The following RHOU variants were observed in gnomAD, a reference collection of about 807,000 sequenced individuals.
RHOU encodes rho-related GTP-binding protein RhoU.
A neutral mutation model predicts 12.6 loss-of-function variants in RHOU; 8 were observed. That is an observed-to-expected ratio of 0.64 (90% CI 0.37 to 1.15). The LOEUF (loss-of-function observed/expected upper bound fraction) is 1.15. Ranked by LOEUF, RHOU falls within the 50% of genes most tolerant of loss-of-function variation. RHOU has a pLI of 0.01. For synonymous variants in RHOU, 161 were observed against 147.4 expected, an observed-to-expected ratio of 1.09 and a Z score of -0.67; for missense variants, 258 against 347.0, an observed-to-expected ratio of 0.74 and a Z score of 2.04.
the RHOU span, among the ~76,000 whole-genome samples, chr1:228,702,921 A>G: frequency 1.3e-5 from 2 of 152,126 alleles, no homozygotes; most frequent in Non-Finnish European, 2.9e-5. Context: ...TTATTGCTCT[A>G]AGTAGTTGTT....
At chr1:228,707,097 T>TATAC in the RHOU span, among the ~76,000 whole-genome samples, 5 of 111,074 alleles carry the variant, frequency 4.5e-5, no homozygotes, top group Non-Finnish European at 8.4e-5. Flanking sequence ...TTAGGACATA[T>TATAC]ATACATACAT....
At chr1:228,742,433 A>G (rs1230505410) in intron 2 of RHOU, among the ~76,000 whole-genome samples, 5 of 152,086 alleles carry the variant, frequency 3.3e-5, no homozygotes, top group African/African-American at 9.7e-5. Flanking sequence ...AACTTATTCT[A>G]TCCACTTCTC....
the RHOU span, among the ~76,000 whole-genome samples, chr1:228,695,066 C>T: frequency 6.6e-6 from 1 of 152,240 alleles, no homozygotes; most frequent in East Asian, 1.9e-4. Flanking sequence ...GCCTCCCAGG[C>T]TCAAATGATC....
At chr1:228,734,947 T>C (rs1177722791), upstream of RHOU, 1 of 147,544 alleles carries the variant, frequency 6.8e-6, no homozygotes, top group Non-Finnish European at 1.5e-5. Flanking sequence ...TGCTTCAAAA[T>C]GAGAAAAAAT....
chr1:228,654,690 G>A, the RHOU span, among the ~76,000 whole-genome samples: 1 of 152,120 alleles, frequency 6.6e-6, no homozygotes, highest in Non-Finnish European at 1.5e-5. Flanking sequence ...TGGGTAACTC[G>A]ACAGAACCTG....
At chr1:228,741,223 G>T (rs1662715919) in intron 2 of RHOU, among the ~76,000 whole-genome samples, 1 of 152,166 alleles carries the variant, frequency 6.6e-6, no homozygotes, top group African/African-American at 2.4e-5. Flanking sequence ...CATGCAAATT[G>T]CTTGGCCTCA....
At chr1:228,654,117 T>C in the RHOU span, among the ~76,000 whole-genome samples, 33 of 151,848 alleles carry the variant, frequency 2.2e-4, no homozygotes, top group African/African-American at 7.5e-4. Flanking sequence ...CTAGCTGATT[T>C]TTTTTTTTTT....
the RHOU span, among the ~76,000 whole-genome samples, chr1:228,697,409 G>A: frequency 6.6e-6 from 1 of 152,208 alleles, no homozygotes; most frequent in Non-Finnish European, 1.5e-5. Flanking sequence ...GGAGTCAGAT[G>A]TGATGTGTGG....
At chr1:228,699,149 C>T in the RHOU span, among the ~76,000 whole-genome samples, 290 of 151,030 alleles carry the variant, frequency 1.9e-3, 1 homozygote, top group African/African-American at 6.7e-3. Context: ...AAAGCCTTAC[C>T]GGGCTGGGTA....
the RHOU span, among the ~76,000 whole-genome samples, chr1:228,716,676 C>T: frequency 1.3e-5 from 2 of 151,612 alleles, no homozygotes; most frequent in Non-Finnish European, 2.9e-5. Flanking sequence ...TTAAATGAAT[C>T]TACATCTGTC....
chr1:228,676,435 G>A, the RHOU span, among the ~76,000 whole-genome samples: 3 of 152,260 alleles, frequency 2.0e-5, 1 homozygote, highest in South Asian at 4.2e-4. Context: ...GAGATGGGAG[G>A]ACTGCTTGAG....
chr1:228,705,106 GTT>G, the RHOU span, among the ~76,000 whole-genome samples: 4 of 144,230 alleles, frequency 2.8e-5, no homozygotes, highest in African/African-American at 5.1e-5. Flanking sequence ...CTGGCCAAGA[GTT>G]TTTTTTTTTT....
upstream of RHOU, among the ~76,000 whole-genome samples, chr1:228,732,652 T>A (rs1175637235): frequency 6.6e-6 from 1 of 151,680 alleles, no homozygotes; most frequent in Non-Finnish European, 1.5e-5. Flanking sequence ...GCTGACTAAG[T>A]TGTGTCCAGA....
chr1:228,673,650 G>A, the RHOU span, among the ~76,000 whole-genome samples: 1 of 152,178 alleles, frequency 6.6e-6, no homozygotes, highest in Non-Finnish European at 1.5e-5. Flanking sequence ...CTCTGGGCAT[G>A]TAAGACATGC....
chr1:228,681,042 A>G, the RHOU span, among the ~76,000 whole-genome samples: 1 of 152,172 alleles, frequency 6.6e-6, no homozygotes, highest in Non-Finnish European at 1.5e-5. Context: ...GGTAGAAGTT[A>G]GGCTGACATT....
the RHOU span, among the ~76,000 whole-genome samples, chr1:228,713,060 G>T: frequency 6.6e-6 from 1 of 151,580 alleles, no homozygotes; most frequent in East Asian, 1.9e-4. Flanking sequence ...GTACATATTT[G>T]GTGTTTGACC....
the RHOU span, among the ~76,000 whole-genome samples, chr1:228,710,554 A>T: frequency 2.0e-5 from 3 of 152,232 alleles, no homozygotes. Context: ...AACCAAAGAT[A>T]AAAACCACAT....
At chr1:228,647,496 T>C in the RHOU span, among the ~76,000 whole-genome samples, 64,591 of 151,996 alleles carry the variant, frequency 0.42, 14,614 homozygotes, top group Middle Eastern at 0.6. Flanking sequence ...ATGTCCTTCC[T>C]CCCGGGTAAA....
chr1:228,727,352 G>T, the RHOU span, among the ~76,000 whole-genome samples: 1 of 152,008 alleles, frequency 6.6e-6, no homozygotes, highest in Admixed American at 6.6e-5. Flanking sequence ...CTGTTGCCCA[G>T]GCTGAAGTAC....
Sources: gnomAD v4.1 joint callset for allele counts (sites outside exome capture counted in the v4.1 genomes callset) on GRCh38, gnomAD v4.1.1 for gene constraint, MANE v1.5 for transcripts, NCBI Gene and HGNC (gene_info 2026-07-23, HGNC 2026-07-21) for gene names.